MYOM3: variants seen among roughly 807,000 people sequenced by gnomAD.
MYOM3 encodes myomesin-3.
A neutral mutation model predicts 191.7 loss-of-function variants in MYOM3; 155 were observed. That is an observed-to-expected ratio of 0.81 (90% CI 0.71 to 0.92). MYOM3 has a LOEUF of 0.92. Among genes scored for constraint, MYOM3 ranks in the 40% least tolerant of loss-of-function variants. The pLI is 0.00. For missense variants in MYOM3, 1,889 were observed against 1,890.6 expected (o/e 1.00, Z 0.02); for synonymous variants, 757 against 762.9 (o/e 0.99, Z 0.13).
In MYOM3 at chr1:24,106,031, T is replaced by C. The variant is rs1643980121; in HGVS notation, c.449A>G (p.Tyr150Cys). The change falls in exon 5 of 37, where the codon TAC (tyrosine) becomes TGC (cysteine). Residue 150 changes from tyrosine (Y) to cysteine (C), a missense_variant. By Grantham distance (194) the Tyr-to-Cys change is radical. Coordinates refer to ENST00000374434, the MANE Select transcript of MYOM3 (RefSeq NM_152372.4). ...QEAKELRELC[Y>C]GRGPWFWIPL... ...GATCCAGAACCAGGGCCCGCGGCCG[T>C]AGCACAGCTCCCTCAGCTCCTTGGC... 1 of 1,613,768 alleles carries C rather than the reference T, an allele frequency of 6.2e-7. No individual in the cohort carries two copies.
Position 24,097,969 on chromosome 1 carries a change from C to T in MYOM3, c.699G>A (p.Lys233=). The T allele has an allele frequency of 6.2e-7, 1 of 1,614,008 alleles. No individual in the cohort carries two copies. The highest frequency in any genetic ancestry group is 8.5e-7 in the Non-Finnish European group (1 of 1,179,866). The change falls in exon 7 of 37, where the codon AAG becomes AAA. Residue 233 remains lysine (K), a synonymous_variant. Coordinates refer to ENST00000374434, the MANE Select transcript of MYOM3 (RefSeq NM_152372.4). ...AGGAGGAGGCCTGGCCGTGGGCGTT[C>T]TTCACTCGCACAGTGTAAGTTGCTG... ...EDSATYTVRV[K]NAHGQASSFA...
At chr1:24,066,441 A>C (rs1329398010) in intron 28 of MYOM3, 1 of 578,182 alleles carries the variant, frequency 1.7e-6, no homozygotes, top group African/African-American at 1.9e-5. Flanking sequence ...CTCTGAGTTT[A>C]CTGAATGAAT....
intron 22 of MYOM3, 141 bp downstream of exon 22, chr1:24,075,178 G>T: frequency 2.7e-6 from 2 of 747,674 alleles, no homozygotes; most frequent in Non-Finnish European, 4.5e-6. Context: ...GGCAGTCAGC[G>T]TCCTCAGTGA....
intron 8 of MYOM3, 40 bp downstream of exon 8, chr1:24,095,402 A>T (rs886859452): frequency 2.7e-5 from 43 of 1,592,738 alleles, no homozygotes; most frequent in Non-Finnish European, 3.5e-5. Context: ...CAAAGCCTGA[A>T]CAAAGAATCC....
chr1:24,082,246 G>T, intron 17 of MYOM3, 58 bp from the exon 18 acceptor site: 1 of 1,462,058 alleles, frequency 6.8e-7, no homozygotes, highest in Non-Finnish European at 9.2e-7. Context: ...GGATTGGACA[G>T]TGGGGCCTGA....
chr1:24,097,890 C>A, intron 7 of MYOM3, 33 bp downstream of exon 7: 11 of 1,432,864 alleles, frequency 7.7e-6, no homozygotes, highest in Non-Finnish European at 1.1e-5. Flanking sequence ...TTTGCTGTGG[C>A]CCGGAGTGCC....
chr1:24,063,318 T>TG lies in MYOM3; in HGVS notation c.3662-85dup, dbSNP rs1643395209. On this transcript the variant is annotated intron_variant, in intron 31 of 36. Transcript: ENST00000374434. This position sits in a 1 kb window ranked among gnomAD's most constrained non-coding sequence, Gnocchi z 4.5. ...GGGGCCGGCTTGTCTGCCTCTGCCCTGGGGGGCAGGTGCTGTGGGGGAAAT... is the reference window on the plus strand; with the variant it reads ...GGGGCCGGCTTGTCTGCCTCTGCCCTGGGGGGGCAGGTGCTGTGGGGGAAAT... 1.5e-6 allele frequency: 2 copies of TG among 1,367,746 alleles called. No homozygotes were observed. Among genetic ancestry groups the TG allele is most frequent in the Non-Finnish European group, 2.1e-6 (2 of 958,818 alleles). The allele number at this position is 1,367,746 out of a possible 1,614,324, so 84.7% of individuals were successfully genotyped here.
At chr1:24,098,557 C>T (rs1056450952) in intron 6 of MYOM3, among the ~76,000 whole-genome samples, 1 of 152,218 alleles carries the variant, frequency 6.6e-6, no homozygotes, top group Non-Finnish European at 1.5e-5. Flanking sequence ...CCAGGGGCAC[C>T]CTGGTGACAG....
At chr1:24,100,634 C>T (rs1261372492) in intron 5 of MYOM3, among the ~76,000 whole-genome samples, 1 of 152,240 alleles carries the variant, frequency 6.6e-6, no homozygotes, top group African/African-American at 2.4e-5. Context: ...CGCCTGTAAT[C>T]CCAGCACTTT....
intron 8 of MYOM3, among the ~76,000 whole-genome samples, chr1:24,095,194 C>A (rs878895157): frequency 2.6e-5 from 4 of 152,212 alleles, no homozygotes; most frequent in South Asian, 4.2e-4. Flanking sequence ...AGGCCAAGTC[C>A]GTTGGTTTTT....
In MYOM3 at chr1:24,094,934, G is replaced by C. The variant is rs750683580; in HGVS notation, c.847C>G (p.Arg283Gly). 27 of 1,613,862 alleles carry C rather than the reference G, an allele frequency of 1.7e-5. No homozygotes were observed. The highest frequency in any genetic ancestry group is 1.5e-5 in the Non-Finnish European group (18 of 1,179,906). ...GACAGGGAGAAGGGTTCCTTCTCAC[G>C]AGCAAAGACTGGCTTCAGCACCGAG... ...FTSVLKPVFA[R>G]EKEPFSLSCL... Residue 283 changes from arginine (R) to glycine (G), a missense_variant, in exon 9 of 37, where the codon CGT becomes GGT. Coordinates refer to ENST00000374434, the MANE Select transcript of MYOM3 (RefSeq NM_152372.4).
intron 25 of MYOM3, 59 bp downstream of exon 25, chr1:24,071,058 C>T (rs775730270): frequency 1.9e-6 from 3 of 1,587,674 alleles, no homozygotes; most frequent in South Asian, 2.3e-5. Flanking sequence ...ATCACCATCC[C>T]GCGAGGCCAC....
At chr1:24,075,520 T>A in intron 21 of MYOM3, 45 bp from the exon 22 acceptor site, 1 of 1,516,470 alleles carries the variant, frequency 6.6e-7, no homozygotes, top group South Asian at 1.3e-5. Flanking sequence ...TTATGCATAA[T>A]AAACCAGGTC....
chr1:24,076,883 G>A lies in MYOM3; in HGVS notation c.2587-610C>T, dbSNP rs549179849. 7.9e-5 allele frequency among the ~76,000 whole-genome samples: 12 copies of A among 151,900 alleles called. No individual in the cohort carries two copies. The South Asian group carries it at 1.2e-3, about 16-fold the overall frequency. On this transcript the variant is annotated intron_variant, in intron 20 of 36. Transcript: ENST00000374434. ...GTCACCCAGGCTGGAGTGCAGTGGCGCAATCTCTGCCCACTGCAACCTCTG... is the reference window on the plus strand; with the variant it reads ...GTCACCCAGGCTGGAGTGCAGTGGCACAATCTCTGCCCACTGCAACCTCTG...
At chr1:24,094,771 C>T (rs769416898) in intron 9 of MYOM3, 82 bp downstream of exon 9, 43 of 1,393,452 alleles carry the variant, frequency 3.1e-5, no homozygotes, top group Middle Eastern at 2.3e-4. Context: ...AGTCTCTGTC[C>T]GCTAGGGGTC....
intron 1 of MYOM3, among the ~76,000 whole-genome samples, chr1:24,110,360 ATGTGTGTGTATG>A (rs1270065077): frequency 6.6e-6 from 1 of 151,508 alleles, no homozygotes; most frequent in Non-Finnish European, 1.5e-5. Context: ...GTGGGCGTGC[ATGTGTGTGTATG>A]TGTGTGTGTG....
chr1:24,076,463 T>C (rs1643600829), intron 20 of MYOM3, among the ~76,000 whole-genome samples, 190 bp from the exon 21 acceptor site: 1 of 150,580 alleles, frequency 6.6e-6, no homozygotes, highest in South Asian at 2.1e-4. Context: ...TTGGGTCCTC[T>C]CCACCAATCA....
At position 24,071,173 on chromosome 1, in the gene MYOM3, A is replaced by G. The variant is rs769800917; in HGVS notation, c.3094T>C (p.Ser1032Pro). Residue 1032 changes from serine to proline, a missense_variant, in exon 25 of 37, where the codon TCT (serine) becomes CCT (proline). Physicochemically the swap from Ser to Pro is moderately conservative, Grantham distance 74. Coordinates refer to ENST00000374434, the MANE Select transcript of MYOM3 (RefSeq NM_152372.4). ...ATTAGATGTAGCTCAGCGGCTGGAG[A>G]TAACTTTTCTACTTCCAGCCAAAGC... is the stretch of plus-strand genomic sequence containing the variant. Reference protein sequence around the residue: ...VRLWLEVEKLSPAAELHLIFN... With the variant: ...VRLWLEVEKLPPAAELHLIFN... 9 of 1,613,988 alleles carry G rather than the reference A, an allele frequency of 5.6e-6. 1 individual carries two copies. In the Admixed American group the frequency reaches 6.7e-5, roughly 12 times the overall value.
rs112871455 is a variant in MYOM3 at position 24,068,729 on chromosome 1, A to T, written c.3151-362T>A. On this transcript the variant is annotated intron_variant, in intron 25 of 36. Transcript: ENST00000374434. ...TTGTTTTTTGTTTTTTTCTTGAGAC[A>T]GTGTCTCACTCCATCGCAGAGTCTC... 7.1e-4 allele frequency among the ~76,000 whole-genome samples: 107 copies of T among 151,610 alleles called. 1 individual carries two copies. The highest frequency in any genetic ancestry group is 2.2e-3 in the African/African-American group (89 of 41,298).
Sources: allele counts gnomAD v4.1 joint callset (sites outside exome capture counted in the v4.1 genomes callset), GRCh38; gene constraint gnomAD v4.1.1; non-coding constraint Gnocchi (gnomAD v3.1); transcripts MANE v1.5; gene names NCBI Gene and HGNC (gene_info 2026-07-23, HGNC 2026-07-21).